Variants in RBFOX1 observed in about 807,000 individuals in gnomAD.
The protein encoded by RBFOX1 is RNA binding protein fox-1 homolog 1.
In RBFOX1, 8 loss-of-function variants were observed where a neutral mutation model predicts 57.7. The observed-to-expected ratio is 0.14, with a 90% CI of 0.08 to 0.25. The LOEUF (loss-of-function observed/expected upper bound fraction) is 0.25. Ranked by LOEUF, RBFOX1 falls within the 10% of genes least tolerant of loss-of-function variation. The probability of loss-of-function intolerance (pLI) is 1.00; values close to 1 mark genes in which losing one functional copy is unlikely to be tolerated. For synonymous variants in RBFOX1, 326 were observed against 222.4 expected (o/e 1.47, Z -4.15); for missense variants, 611 against 548.5 (o/e 1.11, Z -1.14).
At position 7,141,404 on chromosome 16, in the gene RBFOX1, G is replaced by GCAGCTAGAAGACCTTAT. The variant is rs557748753; in HGVS notation, c.27+89308_27+89324dup. Among the ~76,000 whole-genome samples, 621 of 152,270 alleles carry GCAGCTAGAAGACCTTAT rather than the reference G, an allele frequency of 4.1e-3. 6 individuals carry two copies. The highest frequency in any genetic ancestry group is 0.014 in the African/African-American group (594 of 41,554). Reference sequence around the variant, plus strand: ...TGGACCTTAAAATACAGCTTGGGCGGCAGCTAGAAGACCTTATCGCATGAT... The same window carrying GCAGCTAGAAGACCTTAT: ...TGGACCTTAAAATACAGCTTGGGCGGCAGCTAGAAGACCTTATCAGCTAGAAGACCTTATCGCATGAT... On this transcript the variant is annotated intron_variant, in intron 4 of 15. Transcript: ENST00000550418.
chr16:5,478,224 C>T (rs1045944126), intron 2 of RBFOX1, among the ~76,000 whole-genome samples: 1 of 152,048 alleles, frequency 6.6e-6, no homozygotes, highest in Non-Finnish European at 1.5e-5. Context: ...GTTAGACTAG[C>T]GAAGGGAGTT....
At chr16:5,975,596 T>G (rs2060046623) in intron 4 of RBFOX1, among the ~76,000 whole-genome samples, 1 of 152,220 alleles carries the variant, frequency 6.6e-6, no homozygotes, top group African/African-American at 2.4e-5. Context: ...TGTATTCATC[T>G]TTCCTGTGTC....
intron 1 of RBFOX1, among the ~76,000 whole-genome samples, chr16:6,084,389 A>G (rs1361333550): frequency 6.6e-6 from 1 of 151,974 alleles, no homozygotes; most frequent in African/African-American, 2.4e-5. Context: ...GACCATAGCT[A>G]TGAACAAACA....
At chr16:7,089,435 G>A (rs891599272) in intron 4 of RBFOX1, among the ~76,000 whole-genome samples, 8 of 152,024 alleles carry the variant, frequency 5.3e-5, no homozygotes, top group East Asian at 1.9e-4. Flanking sequence ...TGGGATTGTC[G>A]CCTCAATAAT....
At position 7,653,925 on chromosome 16, in the gene RBFOX1, C is replaced by T. The variant is rs1424356191; in HGVS notation, c.868C>T (p.Pro290Ser). 5.8e-6 allele frequency: 9 copies of T among 1,556,812 alleles called. No homozygotes were observed. The highest frequency in any genetic ancestry group is 3.9e-4 in the Middle Eastern group (2 of 5,188). The part of the protein sequence containing the change: ...YNTFRAAAPP[P>S]PIPAYGGVVY... ...CACCTTCAGGGCCGCGGCGCCCCCG[C>T]CCCCGATCCCGGCCTACGGCGGGTA... The change falls in exon 12 of 16, where the codon CCC (proline) becomes TCC (serine). Residue 290 changes from proline (P) to serine (S), a missense_variant. Pro to Ser is a moderately conservative substitution (Grantham distance 74). Transcript: ENST00000550418.
chr16:5,634,312 T>C (rs1270595103), intron 3 of RBFOX1, among the ~76,000 whole-genome samples: 1 of 152,176 alleles, frequency 6.6e-6, no homozygotes, highest in Non-Finnish European at 1.5e-5. Context: ...TCTCCATACT[T>C]TATACAGAGT....
At chr16:5,540,369 GA>G (rs1266144108) in intron 2 of RBFOX1, among the ~76,000 whole-genome samples, 2 of 152,296 alleles carry the variant, frequency 1.3e-5, no homozygotes, top group African/African-American at 4.8e-5. Flanking sequence ...TGAAGAGTGG[GA>G]TAAAGTAGCC....
At chr16:6,507,147 C>T (rs1322538855) in intron 2 of RBFOX1, among the ~76,000 whole-genome samples, 2 of 152,142 alleles carry the variant, frequency 1.3e-5, no homozygotes, top group Admixed American at 6.6e-5. Context: ...CAGCATCGTT[C>T]CTCACCTCCA....
At chr16:6,337,527 T>C (rs183372969) in intron 2 of RBFOX1, among the ~76,000 whole-genome samples, 173 of 152,338 alleles carry the variant, frequency 1.1e-3, no homozygotes, top group Admixed American at 7.6e-3. Flanking sequence ...GGGGAAATGA[T>C]TGATGTGGAA....
intron 1 of RBFOX1, among the ~76,000 whole-genome samples, chr16:6,026,290 C>T (rs756678844): frequency 7.2e-5 from 11 of 152,268 alleles, no homozygotes; most frequent in Admixed American, 2.0e-4. Flanking sequence ...AGGCACACAG[C>T]AGAAGCCCCA....
intron 2 of RBFOX1, among the ~76,000 whole-genome samples, chr16:5,539,840 A>G (rs2044860396): frequency 1.3e-5 from 2 of 152,210 alleles, no homozygotes; most frequent in African/African-American, 2.4e-5. Flanking sequence ...GAAGAGTGAC[A>G]TGGAATCTTT....
At chr16:6,989,205 G>A (rs1049006108) in intron 3 of RBFOX1, among the ~76,000 whole-genome samples, 9 of 152,034 alleles carry the variant, frequency 5.9e-5, no homozygotes, top group African/African-American at 1.5e-4. Context: ...CTCTTTTTCC[G>A]TTTTAAAATG....
At chr16:7,080,068 T>TATATAC (rs2058950296) in intron 4 of RBFOX1, among the ~76,000 whole-genome samples, 1 of 135,672 alleles carries the variant, frequency 7.4e-6, no homozygotes, top group African/African-American at 3.1e-5. Context: ...ATTATATATA[T>TATATAC]ACATATATAC....
chr16:5,655,093 A>G (rs997890039), intron 3 of RBFOX1, among the ~76,000 whole-genome samples: 3 of 152,176 alleles, frequency 2.0e-5, no homozygotes, highest in Admixed American at 6.5e-5. Context: ...AGACAAATCT[A>G]AGAGCAGGGC....
intron 4 of RBFOX1, among the ~76,000 whole-genome samples, chr16:7,460,268 T>C (rs2059290555): frequency 6.6e-6 from 1 of 151,178 alleles, no homozygotes; most frequent in Admixed American, 6.6e-5. Context: ...CTGTTTAATT[T>C]TCCTTTTTAG....
intron 3 of RBFOX1, among the ~76,000 whole-genome samples, chr16:5,832,036 A>G (rs2056292253): frequency 1.3e-5 from 2 of 152,068 alleles, no homozygotes; most frequent in African/African-American, 2.4e-5. Flanking sequence ...TTGAAGGAAG[A>G]CCCCAGTCAG....
chr16:6,192,887 C>G (rs1431396755), intron 1 of RBFOX1, among the ~76,000 whole-genome samples: 2 of 152,076 alleles, frequency 1.3e-5, no homozygotes, highest in African/African-American at 4.8e-5. Flanking sequence ...AACACCAAAG[C>G]TAATATTTCA....
intron 3 of RBFOX1, among the ~76,000 whole-genome samples, chr16:7,038,553 A>G (rs1316819686): frequency 6.6e-6 from 1 of 152,154 alleles, no homozygotes; most frequent in Non-Finnish European, 1.5e-5. Context: ...ATGCCAAGAC[A>G]TTTCGTGGTT....
At chr16:6,658,148 A>G (rs1189129319) in intron 3 of RBFOX1, among the ~76,000 whole-genome samples, 1 of 151,988 alleles carries the variant, frequency 6.6e-6, no homozygotes, top group Non-Finnish European at 1.5e-5. Flanking sequence ...AATGGGGCCG[A>G]TTATCTTGAG....
Sources: gnomAD v4.1 joint callset for allele counts (sites outside exome capture counted in the v4.1 genomes callset) on GRCh38, gnomAD v4.1.1 for gene constraint, MANE v1.5 for transcripts, NCBI Gene and HGNC (gene_info 2026-07-23, HGNC 2026-07-21) for gene names.